VCF2: variants seen among roughly 807,000 people sequenced by gnomAD.
The protein encoded by VCF2 is protein VCF2.
At chrX:55,153,712 A>C in the VCF2 span, among the ~76,000 whole-genome samples, 6 of 111,590 alleles carry the variant, frequency 5.4e-5, no homozygotes, top group Non-Finnish European at 1.1e-4. Context: ...TTTTGTGAAA[A>C]AGAAACATTT....
the VCF2 span, among the ~76,000 whole-genome samples, chrX:55,158,761 CTTT>C: frequency 9.0e-6 from 1 of 111,671 alleles, no homozygotes; most frequent in African/African-American, 3.2e-5. Context: ...AAATTTTTCA[CTTT>C]TTTTCACTGA....
At chrX:55,149,365 T>C in the VCF2 span, among the ~76,000 whole-genome samples, 2 of 111,577 alleles carry the variant, frequency 1.8e-5, no homozygotes, top group South Asian at 3.8e-4. Context: ...TGCCTTTAAG[T>C]TACAGGGCGT....
At chrX:55,152,448 CTAA>C in the VCF2 span, among the ~76,000 whole-genome samples, 1 of 111,343 alleles carries the variant, frequency 9.0e-6, no homozygotes, top group Non-Finnish European at 1.9e-5. Flanking sequence ...ATAAGGTTTC[CTAA>C]TAATGTGTGA....
chrX:55,146,012 A>G, the VCF2 span: 1 of 1,138,653 alleles, frequency 8.8e-7, no homozygotes, highest in East Asian at 3.2e-5. Flanking sequence ...AAAAACCAAT[A>G]GACTTTTTTT....
the VCF2 span, chrX:55,145,286 C>T: frequency 4.9e-3 from 3,507 of 716,784 alleles, 99 homozygotes; most frequent in African/African-American, 0.077. Flanking sequence ...ACATAATGTG[C>T]TAACGTAATA....
chrX:55,146,696 G>T, the VCF2 span, among the ~76,000 whole-genome samples: 1 of 112,362 alleles, frequency 8.9e-6, no homozygotes, highest in Non-Finnish European at 1.9e-5. Flanking sequence ...TAATGCTGAG[G>T]ATGTAGTAGA....
At chrX:55,160,859 A>G in the VCF2 span, 1 of 1,156,422 alleles carries the variant, frequency 8.6e-7, no homozygotes. Context: ...CTTGTAAGGC[A>G]CTGACAACCA....
At chrX:55,152,795 C>T in the VCF2 span, among the ~76,000 whole-genome samples, 1 of 111,916 alleles carries the variant, frequency 8.9e-6, no homozygotes, top group South Asian at 3.8e-4. Flanking sequence ...GACTCAAGAT[C>T]TTTACCCTAA....
At chrX:55,161,105 G>T in the VCF2 span, 1 of 1,205,677 alleles carries the variant, frequency 8.3e-7, no homozygotes, top group Non-Finnish European at 1.1e-6. Context: ...AGCTCGGACT[G>T]GTACCGGCCG....
chrX:55,145,546 C>G, the VCF2 span: 1 of 755,147 alleles, frequency 1.3e-6, no homozygotes, highest in South Asian at 6.7e-5. Context: ...TTCAACAGAA[C>G]ATCTACCTTC....
At chrX:55,152,509 A>T in the VCF2 span, among the ~76,000 whole-genome samples, 1 of 112,132 alleles carries the variant, frequency 8.9e-6, no homozygotes, top group East Asian at 2.8e-4. Context: ...GATCAAACAA[A>T]ATCTGAGACC....
the VCF2 span, among the ~76,000 whole-genome samples, chrX:55,147,522 T>C: frequency 9.3e-6 from 1 of 107,153 alleles, no homozygotes; most frequent in Non-Finnish European, 1.9e-5. Flanking sequence ...AAATATAGAA[T>C]GCCCACTGTC....
the VCF2 span, chrX:55,143,708 C>A: frequency 3.6e-6 from 3 of 844,742 alleles, no homozygotes; most frequent in East Asian, 3.2e-5. Flanking sequence ...CAGCTGGAAC[C>A]TCCTCTCACT....
chrX:55,145,024 C>T, the VCF2 span, among the ~76,000 whole-genome samples: 8 of 112,469 alleles, frequency 7.1e-5, no homozygotes, highest in East Asian at 2.0e-3. Context: ...ACATGGGGAC[C>T]CCCCCATCTC....
the VCF2 span, chrX:55,143,598 ACATATC>A: frequency 1.2e-5 from 4 of 340,228 alleles, no homozygotes; most frequent in Non-Finnish European, 2.1e-5. Context: ...TGTTTTAAGC[ACATATC>A]TTCAATATTA....
At chrX:55,156,815 T>A in the VCF2 span, among the ~76,000 whole-genome samples, 4 of 111,584 alleles carry the variant, frequency 3.6e-5, no homozygotes, top group Admixed American at 9.5e-5. Flanking sequence ...TAAATGGGAT[T>A]TGAACAAACA....
chrX:55,146,613 C>T, the VCF2 span, among the ~76,000 whole-genome samples: 144 of 112,081 alleles, frequency 1.3e-3, no homozygotes, highest in Middle Eastern at 9.3e-3. Context: ...ACATTCTCTA[C>T]CCTTGCTTGT....
At chrX:55,159,267 C>G in the VCF2 span, 1 of 1,080,838 alleles carries the variant, frequency 9.3e-7, no homozygotes, top group South Asian at 2.0e-5. Context: ...TTACATGAAA[C>G]AACTGATCTT....
the VCF2 span, among the ~76,000 whole-genome samples, chrX:55,152,406 C>T: frequency 9.0e-6 from 1 of 111,134 alleles, no homozygotes. Context: ...CTTTTTTTGT[C>T]ATAGAACATG....
Sources: gnomAD v4.1 joint callset for allele counts (sites outside exome capture counted in the v4.1 genomes callset) on GRCh38, gnomAD v4.1.1 for gene constraint, MANE v1.5 for transcripts, NCBI Gene and HGNC (gene_info 2026-07-23, HGNC 2026-07-21) for gene names.